MYH14: variants seen among roughly 807,000 people sequenced by gnomAD.
MYH14 encodes myosin-14.
A neutral mutation model predicts 255.5 loss-of-function variants in MYH14; 123 were observed. That is an observed-to-expected ratio of 0.48 (90% CI 0.42 to 0.56). The LOEUF is 0.56. Among genes scored for constraint, MYH14 ranks in the 20% least tolerant of loss-of-function variants. The pLI is 0.00. For synonymous variants in MYH14, 1,095 were observed against 1,161.2 expected (o/e 0.94, Z 1.16); for missense variants, 2,423 against 2,802.3 (o/e 0.86, Z 3.06).
chr19:50,273,674 C>T (rs1600998343), intron 27 of MYH14, among the ~76,000 whole-genome samples: 2 of 151,260 alleles, frequency 1.3e-5, no homozygotes, highest in African/African-American at 4.9e-5. Flanking sequence ...CGGAGTCTTG[C>T]CCTGTTTCCC....
chr19:50,295,005 GTTTTTTT>G (rs1195396880), intron 39 of MYH14, among the ~76,000 whole-genome samples: 8,084 of 143,006 alleles, frequency 0.057, 300 homozygotes, highest in South Asian at 0.17. Context: ...AAGAGATTAA[GTTTTTTT>G]TTTTTTTTTT....
intron 4 of MYH14, 42 bp from the exon 5 acceptor site, chr19:50,223,205 G>T: frequency 6.2e-7 from 1 of 1,607,684 alleles, no homozygotes; most frequent in Admixed American, 1.7e-5. Flanking sequence ...GCTTGCCTGA[G>T]GTCATTGCCA....
At chr19:50,212,492 C>T (rs1028832635) in intron 2 of MYH14, among the ~76,000 whole-genome samples, 1 of 152,172 alleles carries the variant, frequency 6.6e-6, no homozygotes, top group Non-Finnish European at 1.5e-5. Flanking sequence ...GCTGATATCA[C>T]CTGATGTTCA....
Position 50,252,367 on chromosome 19 carries a change from C to T in MYH14, c.1831-272C>T, listed in dbSNP as rs1041119954. 4.0e-5 allele frequency among the ~76,000 whole-genome samples: 6 copies of T among 151,870 alleles called. No individual in the cohort carries two copies. Among genetic ancestry groups the T allele is most frequent in the East Asian group, 3.9e-4 (2 of 5,178 alleles). On this transcript the variant is annotated intron_variant, in intron 15 of 42. Transcript: ENST00000642316. This position sits in a 1 kb window ranked among gnomAD's most constrained non-coding sequence, Gnocchi z 4.2. ...AAGCTCGCATGTTTGAGGAACAGTG[C>T]GGAGGCCAGGGTGGCTGGAGCGGAA...
In MYH14 at chr19:50,290,812, C is replaced by G. The variant is rs536378100; in HGVS notation, c.4966-75C>G. ...GCCTGGGCAGGAGCTCCAGGGCAGA[C>G]ATCCATGTCCCTAGCACACAGAGGG... is the stretch of plus-strand genomic sequence containing the variant. On this transcript the variant is annotated intron_variant, in intron 35 of 42. Transcript: ENST00000642316. 1.5e-5 allele frequency: 22 copies of G among 1,457,666 alleles called. No homozygotes were observed. In the South Asian group the frequency reaches 2.9e-4, roughly 19 times the overall value. The allele number at this position is 1,457,666 out of a possible 1,614,324, so 90.3% of individuals were successfully genotyped here. A position where few individuals can be genotyped will look rare whatever the true frequency, so the allele number is the denominator to read the frequency against.
In MYH14 at chr19:50,248,059, CAAA is replaced by C. The variant is rs10588130; in HGVS notation, c.1330-913_1330-911del. On this transcript the variant is annotated intron_variant, in intron 12 of 42. Coordinates refer to ENST00000642316, the MANE Select transcript of MYH14 (RefSeq NM_001145809.2). ...TGGGTGACAGAGCGAGACTCTGTCT[CAAA>C]AAAAAAAAAAAAAAGAAAAGAAAAA... Among the ~76,000 whole-genome samples, 276 of 106,796 alleles carry C rather than the reference CAAA, an allele frequency of 2.6e-3. 2 individuals are homozygous for C. The highest frequency in any genetic ancestry group is 0.018 in the South Asian group (56 of 3,128). The allele number at this position is 106,796 out of a possible 152,430, so 70.1% of individuals were successfully genotyped here. A position where few individuals can be genotyped will look rare whatever the true frequency, so the allele number is the denominator to read the frequency against.
intron 11 of MYH14, among the ~76,000 whole-genome samples, chr19:50,245,105 A>T (rs949868226): frequency 2.0e-5 from 3 of 152,152 alleles, no homozygotes; most frequent in African/African-American, 7.2e-5. Flanking sequence ...GAAGGGGGAA[A>T]AATCTGGCAT....
chr19:50,236,191 G>T (rs2033648301), intron 10 of MYH14, among the ~76,000 whole-genome samples: 1 of 151,980 alleles, frequency 6.6e-6, no homozygotes, highest in Non-Finnish European at 1.5e-5. Flanking sequence ...AAATTACCTG[G>T]GCGTGGTGGT....
intron 12 of MYH14, among the ~76,000 whole-genome samples, chr19:50,248,785 G>A (rs1383364394): frequency 6.6e-6 from 1 of 152,228 alleles, no homozygotes; most frequent in Non-Finnish European, 1.5e-5. Flanking sequence ...ATCCGAGCCC[G>A]TCATGTAGTA....
In MYH14 at chr19:50,249,158, A is replaced by C. The variant is rs1415565574; in HGVS notation, c.1482+19A>C. On this transcript the variant is annotated intron_variant, in intron 13 of 42. Coordinates refer to ENST00000642316, the MANE Select transcript of MYH14 (RefSeq NM_001145809.2). ...CTTCCAGGTCCACCCTTGTGCTGGG[A>C]GGGGGATGCCAACTTCCTCACTCCG... The C allele has an allele frequency of 1.9e-5, 30 of 1,554,470 alleles. No homozygotes were observed. Among genetic ancestry groups the C allele is most frequent in the Non-Finnish European group, 2.5e-5 (29 of 1,147,724 alleles).
rs570050860 is a variant in MYH14, at chr19:50,252,285, A to T, written c.1831-354A>T. ...AGAAGGAGCCAGTGGTGTGAAACCC[A>T]CAGAGACAGAACCCCAGGTGGCAGG... On this transcript the variant is annotated intron_variant, in intron 15 of 42. Coordinates refer to ENST00000642316, the MANE Select transcript of MYH14 (RefSeq NM_001145809.2). The surrounding 1 kb of genome is among the most constrained non-coding windows in gnomAD (Gnocchi z 4.2). Among the ~76,000 whole-genome samples the T allele has an allele frequency of 6.6e-6, 1 of 152,176 alleles. No individual in the cohort carries two copies. Among genetic ancestry groups the T allele is most frequent in the Non-Finnish European group, 1.5e-5 (1 of 68,022 alleles).
At chr19:50,233,903 C>T (rs562968030) in intron 10 of MYH14, among the ~76,000 whole-genome samples, 6 of 150,872 alleles carry the variant, frequency 4.0e-5, no homozygotes, top group African/African-American at 1.5e-4. Context: ...GCAACCTCCA[C>T]CTCCCGGGTT....
intron 21 of MYH14, among the ~76,000 whole-genome samples, chr19:50,262,531 CTG>C (rs2034921337): frequency 6.8e-6 from 1 of 146,690 alleles, no homozygotes; most frequent in Admixed American, 6.8e-5. Flanking sequence ...GAGTGAGACT[CTG>C]TATCAAAAAA....
chr19:50,287,877 A>G (rs1423272957), intron 34 of MYH14, among the ~76,000 whole-genome samples: 1 of 152,116 alleles, frequency 6.6e-6, no homozygotes, highest in Non-Finnish European at 1.5e-5. Context: ...AGGTGCATGC[A>G]TACATACATA....
intron 21 of MYH14, among the ~76,000 whole-genome samples, chr19:50,262,263 AGTGGCTCAGAGAGGCCGGGCACG>A (rs1229717213): frequency 6.6e-6 from 1 of 152,164 alleles, no homozygotes; most frequent in Non-Finnish European, 1.5e-5. Context: ...CCTCCTTAGA[AGTGGCTCAGAGAGGCCGGGCACG>A]GTGGCTCACA....
At chr19:50,210,314 G>C (rs942387476) in intron 1 of MYH14, 49 bp from the exon 2 acceptor site, 19 of 1,491,254 alleles carry the variant, frequency 1.3e-5, no homozygotes, top group Admixed American at 2.2e-5. Flanking sequence ...AGGGAGGCCC[G>C]GGGGACGGAG....
Position 50,293,752 on chromosome 19 carries a change from C to T in MYH14, c.5469+65C>T. 1 of 1,471,838 alleles carries T rather than the reference C, an allele frequency of 6.8e-7. No individual in the cohort carries two copies. Among genetic ancestry groups the T allele is most frequent in the Non-Finnish European group, 9.1e-7 (1 of 1,102,362 alleles). 91.2% of individuals were successfully genotyped at this position (1,471,838 alleles called of 1,614,324 possible). ...TTGACCTGGGACCGTAACCTTCAGT[C>T]CTCTTATTCAACAAATATAGAAAGG... On this transcript the variant is annotated intron_variant, in intron 39 of 42. Transcript: ENST00000642316. The surrounding 1 kb of genome is among the most constrained non-coding windows in gnomAD (Gnocchi z 4.1).
chr19:50,279,886 C>G (rs1163157396), intron 30 of MYH14, 151 bp from the exon 31 acceptor site: 1 of 696,070 alleles, frequency 1.4e-6, no homozygotes, highest in Non-Finnish European at 2.6e-6. Context: ...TGTGGGAACC[C>G]TATGTTTAAG....
rs767614729 is a variant in MYH14, at chr19:50,212,049, T to TGAG, written c.405+1280_405+1281insAGG. Among the ~76,000 whole-genome samples, 19 of 152,274 alleles carry TGAG rather than the reference T, an allele frequency of 1.2e-4. No homozygotes were observed. The South Asian group carries it at 2.5e-3, about 20-fold the overall frequency. On this transcript the variant is annotated intron_variant, in intron 2 of 42. Transcript: ENST00000642316. ...AGATTGATGATACTTAGGTTGACTA[T>TGAG]GGTAGTCTTCCCACGTCTGTGCTAA... is the stretch of plus-strand genomic sequence containing the variant.
Sources: gnomAD v4.1 joint callset for allele counts (sites outside exome capture counted in the v4.1 genomes callset) on GRCh38, gnomAD v4.1.1 for gene constraint, Gnocchi (gnomAD v3.1) non-coding constraint, MANE v1.5 for transcripts, NCBI Gene and HGNC (gene_info 2026-07-23, HGNC 2026-07-21) for gene names.